Variants in PTPRM observed in about 807,000 individuals in gnomAD.
PTPRM encodes protein tyrosine phosphatase receptor type M.
A neutral mutation model predicts 186.7 loss-of-function variants in PTPRM; 47 were observed. The observed-to-expected ratio is 0.25, with a 90% CI of 0.20 to 0.32. The LOEUF (loss-of-function observed/expected upper bound fraction) is 0.32, where lower values mean the gene tolerates loss of function less well. PTPRM is among the 10% of genes least tolerant of loss of function. The pLI, the probability that PTPRM is intolerant of heterozygous loss-of-function variation, is 1.00. For missense variants in PTPRM, 1,494 were observed against 1,865.0 expected (o/e 0.80, Z 3.66); for synonymous variants, 668 against 674.9 (o/e 0.99, Z 0.16).
chr18:8,220,726 G>A (rs907170086), intron 14 of PTPRM, among the ~76,000 whole-genome samples: 4 of 152,252 alleles, frequency 2.6e-5, no homozygotes, highest in East Asian at 1.9e-4. Context: ...GTAATTGCTG[G>A]TTTGCTTTGT....
chr18:8,347,597 C>T (rs1264624463), intron 23 of PTPRM, among the ~76,000 whole-genome samples: 1 of 152,136 alleles, frequency 6.6e-6, no homozygotes, highest in East Asian at 1.9e-4. Context: ...GCTGTTCCTT[C>T]CATCAGGCAC....
At position 8,394,624 on chromosome 18, in the gene PTPRM, C is replaced by T. The variant is rs776155838; in HGVS notation, c.4344+13C>T. The T allele has an allele frequency of 1.2e-6, 2 of 1,601,248 alleles. No homozygotes were observed. The highest frequency in any genetic ancestry group is 1.3e-5 in the African/African-American group (1 of 74,496). On this transcript the variant is annotated intron_variant, in intron 32 of 32. Transcript: ENST00000580170. ...GGTCGACCTCCTGGTAGGACACCCCCTCTGAGCTGTTCCATGAGACACCCC... is the reference window on the plus strand; with the variant it reads ...GGTCGACCTCCTGGTAGGACACCCCTTCTGAGCTGTTCCATGAGACACCCC...
intron 2 of PTPRM, among the ~76,000 whole-genome samples, chr18:7,836,557 A>G (rs1028040647): frequency 6.6e-6 from 1 of 152,160 alleles, no homozygotes; most frequent in African/African-American, 2.4e-5. Context: ...ATAGTGTTAT[A>G]TTCTGTGATT....
chr18:8,345,638 G>A (rs2095500905), intron 23 of PTPRM, among the ~76,000 whole-genome samples: 1 of 151,208 alleles, frequency 6.6e-6, no homozygotes, highest in Non-Finnish European at 1.5e-5. Flanking sequence ...TGTTGTAAAT[G>A]TTAAAAATAT....
intron 14 of PTPRM, among the ~76,000 whole-genome samples, chr18:8,221,797 T>C (rs1237043567): frequency 1.3e-5 from 2 of 152,194 alleles, no homozygotes; most frequent in Non-Finnish European, 2.9e-5. Context: ...GCCTACAGAT[T>C]TCCCTGTGCA....
At chr18:8,342,637 T>C (rs961118951) in intron 22 of PTPRM, among the ~76,000 whole-genome samples, 2 of 152,242 alleles carry the variant, frequency 1.3e-5, no homozygotes, top group Admixed American at 6.5e-5. Context: ...TAAAGATTTC[T>C]ACGCTTACAT....
intron 14 of PTPRM, among the ~76,000 whole-genome samples, chr18:8,232,482 GAT>G (rs2094298675): frequency 6.6e-6 from 1 of 152,186 alleles, no homozygotes; most frequent in Non-Finnish European, 1.5e-5. Context: ...ATAACTGCTG[GAT>G]CATATGGGAA....
intron 1 of PTPRM, among the ~76,000 whole-genome samples, chr18:7,703,960 T>C (rs1419198327): frequency 2.6e-5 from 4 of 152,214 alleles, no homozygotes; most frequent in African/African-American, 9.7e-5. Context: ...GCTCTGTATA[T>C]GTGATGGATT....
At chr18:7,838,001 C>T (rs958598284) in intron 2 of PTPRM, among the ~76,000 whole-genome samples, 5 of 152,094 alleles carry the variant, frequency 3.3e-5, no homozygotes, top group East Asian at 1.9e-4. Context: ...TTAGGGGGCA[C>T]GCTGATCCCA....
At chr18:7,913,837 T>G (rs973350048) in intron 4 of PTPRM, among the ~76,000 whole-genome samples, 1 of 152,118 alleles carries the variant, frequency 6.6e-6, no homozygotes, top group Non-Finnish European at 1.5e-5. Flanking sequence ...AAAAAAGAGA[T>G]AAAGCCCTTC....
chr18:8,242,320 C>G (rs12953765), intron 14 of PTPRM, among the ~76,000 whole-genome samples: 2 of 151,988 alleles, frequency 1.3e-5, no homozygotes, highest in South Asian at 4.2e-4. Flanking sequence ...CTGAGGAGAC[C>G]TGGCCTGAGA....
At chr18:8,090,184 T>A (rs890202142) in intron 11 of PTPRM, among the ~76,000 whole-genome samples, 2 of 152,202 alleles carry the variant, frequency 1.3e-5, no homozygotes, top group Non-Finnish European at 2.9e-5. Context: ...TTAGATGCTA[T>A]CCAAGACTCA....
intron 13 of PTPRM, among the ~76,000 whole-genome samples, chr18:8,127,694 G>C (rs917425484): frequency 1.1e-4 from 16 of 152,162 alleles, no homozygotes; most frequent in African/African-American, 2.9e-4. Flanking sequence ...GAAATATGTA[G>C]CTTTAGGGAG....
chr18:8,095,375 A>G (rs1178884207), intron 11 of PTPRM, among the ~76,000 whole-genome samples: 2 of 152,088 alleles, frequency 1.3e-5, no homozygotes, highest in African/African-American at 4.8e-5. Context: ...GAATAAAAAA[A>G]TGAGAGAGAC....
chr18:8,108,423 ATATCT>A (rs1432344593), intron 11 of PTPRM, among the ~76,000 whole-genome samples: 1 of 152,160 alleles, frequency 6.6e-6, no homozygotes, highest in Non-Finnish European at 1.5e-5. Flanking sequence ...TAACCCTCTG[ATATCT>A]TATGGTGAAA....
intron 19 of PTPRM, among the ~76,000 whole-genome samples, chr18:8,290,515 G>A (rs1455880835): frequency 6.6e-6 from 1 of 151,968 alleles, no homozygotes; most frequent in Non-Finnish European, 1.5e-5. Flanking sequence ...GTGGAAAATG[G>A]TGGCGGTATG....
At chr18:8,268,828 T>G (rs1045087530) in intron 19 of PTPRM, among the ~76,000 whole-genome samples, 1 of 152,054 alleles carries the variant, frequency 6.6e-6, no homozygotes, top group Non-Finnish European at 1.5e-5. Context: ...ATAAATTATA[T>G]GATCACCTCA....
chr18:8,381,253 A>G (rs972905391), intron 29 of PTPRM, among the ~76,000 whole-genome samples: 3 of 152,036 alleles, frequency 2.0e-5, no homozygotes, highest in Non-Finnish European at 2.9e-5. Flanking sequence ...ATAGACAACC[A>G]CCATGACAGT....
intron 7 of PTPRM, among the ~76,000 whole-genome samples, chr18:8,018,391 A>T (rs2085006248): frequency 6.6e-6 from 1 of 152,234 alleles, no homozygotes; most frequent in Non-Finnish European, 1.5e-5. Flanking sequence ...TGGTGAACCC[A>T]GTTTGAGCAG....
Sources: gnomAD v4.1 joint callset for allele counts (sites outside exome capture counted in the v4.1 genomes callset) on GRCh38, gnomAD v4.1.1 for gene constraint, MANE v1.5 for transcripts, NCBI Gene and HGNC (gene_info 2026-07-23, HGNC 2026-07-21) for gene names.